ABHD6: variants seen among roughly 807,000 people sequenced by gnomAD.
ABHD6 encodes monoacylglycerol lipase ABHD6.
A neutral mutation model predicts 38.8 loss-of-function variants in ABHD6; 33 were observed. The observed-to-expected ratio is 0.85, with a 90% CI of 0.64 to 1.14. ABHD6 has a LOEUF of 1.14. Ranked by LOEUF, ABHD6 falls within the 50% of genes most tolerant of loss-of-function variation. The pLI is 0.00. For synonymous variants in ABHD6, 147 were observed against 161.6 expected (o/e 0.91, Z 0.69); for missense variants, 380 against 422.6 (o/e 0.90, Z 0.88).
chr3:58,284,752 A>T (rs531590259), intron 7 of ABHD6, among the ~76,000 whole-genome samples: 27 of 152,164 alleles, frequency 1.8e-4, no homozygotes, highest in African/African-American at 6.3e-4. Context: ...TGCCCGGCCC[A>T]TCCTGATTAT....
At chr3:58,242,820 CGTT>C (rs2097423739) in intron 1 of ABHD6, among the ~76,000 whole-genome samples, 1 of 152,172 alleles carries the variant, frequency 6.6e-6, no homozygotes, top group Admixed American at 6.5e-5. Flanking sequence ...TTGCTGCACC[CGTT>C]AACTCGTCAT....
chr3:58,247,494 T>C (rs138990139), intron 1 of ABHD6, among the ~76,000 whole-genome samples: 97 of 152,372 alleles, frequency 6.4e-4, no homozygotes, highest in African/African-American at 2.1e-3. Flanking sequence ...CAGCCACATG[T>C]GACTAGTGGC....
chr3:58,262,431 T>G (rs1165661959), intron 3 of ABHD6, among the ~76,000 whole-genome samples: 1 of 152,202 alleles, frequency 6.6e-6, no homozygotes, highest in Non-Finnish European at 1.5e-5. Context: ...GAGACTTTAT[T>G]AAAGAGGAAC....
intron 2 of ABHD6, among the ~76,000 whole-genome samples, chr3:58,254,349 C>T (rs1342765523): frequency 6.6e-6 from 1 of 152,170 alleles, no homozygotes; most frequent in Non-Finnish European, 1.5e-5. Flanking sequence ...TTTATTGGAA[C>T]ACAGTCATAC....
In ABHD6 at chr3:58,288,303, T is replaced by C. The variant is rs368820278; in HGVS notation, c.837+2850T>C. Among the ~76,000 whole-genome samples, 3 of 152,342 alleles carry C rather than the reference T, an allele frequency of 2.0e-5. No individual in the cohort carries two copies. The South Asian group carries it at 6.2e-4, about 32-fold the overall frequency. On this transcript the variant is annotated intron_variant, in intron 9 of 9. Coordinates refer to ENST00000478253, the MANE Select transcript of ABHD6 (RefSeq NM_001320126.2). Reference sequence around the variant, plus strand: ...GACCCCTGTAGGCTGACTGCTATACTGCACAGCTGCAGGGGGAGCCATGTG... The same window carrying C: ...GACCCCTGTAGGCTGACTGCTATACCGCACAGCTGCAGGGGGAGCCATGTG...
chr3:58,260,641 G>T (rs188762374), intron 3 of ABHD6, among the ~76,000 whole-genome samples: 5 of 152,256 alleles, frequency 3.3e-5, no homozygotes, highest in African/African-American at 1.2e-4. Context: ...GCCTTCATTT[G>T]CTCGGCTGCC....
At chr3:58,244,507 G>T (rs961834991) in intron 1 of ABHD6, among the ~76,000 whole-genome samples, 2 of 152,168 alleles carry the variant, frequency 1.3e-5, no homozygotes, top group Non-Finnish European at 2.9e-5. Context: ...GGTGGCTCGT[G>T]CCTGCCCACC....
rs2097435332 is a variant in ABHD6 at position 58,259,206 on chromosome 3, G to A, written c.119+2501G>A. Among the ~76,000 whole-genome samples the A allele has an allele frequency of 6.6e-6, 1 of 152,188 alleles. No homozygotes were observed. The highest frequency in any genetic ancestry group is 1.5e-5 in the Non-Finnish European group (1 of 68,038). The stretch of plus-strand genomic sequence containing the variant: ...TTCCACCCACCTCATGTGGAAACTA[G>A]CCTCAATGCTGCATAGTCCCCCAAC... On this transcript the variant is annotated intron_variant, in intron 3 of 9. Transcript: ENST00000478253. The surrounding 1 kb of genome is among the most constrained non-coding windows in gnomAD (Gnocchi z 4.7).
chr3:58,242,828 C>T (rs1464449336), intron 1 of ABHD6, among the ~76,000 whole-genome samples: 1 of 152,156 alleles, frequency 6.6e-6, no homozygotes. Context: ...CCCGTTAACT[C>T]GTCATTTACG....
chr3:58,290,747 C>T (rs1475473047), intron 9 of ABHD6, among the ~76,000 whole-genome samples: 5 of 151,176 alleles, frequency 3.3e-5, no homozygotes, highest in East Asian at 2.0e-4. Context: ...GACGGGCCGG[C>T]GGGGCAAAGG....
At position 58,259,306 on chromosome 3, in the gene ABHD6, A is replaced by C. The variant is rs765646976; in HGVS notation, c.119+2601A>C. Reference sequence around the variant, plus strand: ...TAATTTTGATGTTTCATTTGTAATGAGAAAAATAAGTTGATAGCAAATAAT... The same window carrying C: ...TAATTTTGATGTTTCATTTGTAATGCGAAAAATAAGTTGATAGCAAATAAT... On this transcript the variant is annotated intron_variant, in intron 3 of 9. Transcript: ENST00000478253. This position sits in a 1 kb window ranked among gnomAD's most constrained non-coding sequence, Gnocchi z 4.7. 2.0e-5 allele frequency among the ~76,000 whole-genome samples: 3 copies of C among 152,242 alleles called. No homozygotes were observed. The highest frequency in any genetic ancestry group is 7.2e-5 in the African/African-American group (3 of 41,460).
chr3:58,247,682 C>T (rs2097427372), intron 1 of ABHD6, among the ~76,000 whole-genome samples: 1 of 152,140 alleles, frequency 6.6e-6, no homozygotes, highest in African/African-American at 2.4e-5. Flanking sequence ...TCAAGCAATC[C>T]TTGTGCCTCA....
intron 1 of ABHD6, among the ~76,000 whole-genome samples, chr3:58,246,719 T>A (rs1006112545): frequency 3.3e-5 from 5 of 152,150 alleles, no homozygotes; most frequent in Non-Finnish European, 7.4e-5. Context: ...AGATAAGAAT[T>A]TGTGGTTTAT....
intron 5 of ABHD6, 134 bp from the exon 6 acceptor site, chr3:58,270,798 G>C: frequency 1.0e-6 from 1 of 973,076 alleles, no homozygotes; most frequent in Non-Finnish European, 1.5e-6. Flanking sequence ...AATGGATCCA[G>C]TAGAGTTTCA....
chr3:58,262,543 T>C (rs2097437739), intron 3 of ABHD6, among the ~76,000 whole-genome samples: 1 of 152,246 alleles, frequency 6.6e-6, no homozygotes, highest in Non-Finnish European at 1.5e-5. Flanking sequence ...ACTGAGATTG[T>C]AAAAGATCTT....
chr3:58,281,310 C>T (rs1385006832), intron 7 of ABHD6, among the ~76,000 whole-genome samples: 1 of 152,212 alleles, frequency 6.6e-6, no homozygotes, highest in Non-Finnish European at 1.5e-5. Context: ...TGGCAGACGC[C>T]CCTCCCCCAG....
rs139196983 is a variant in ABHD6 at position 58,292,020 on chromosome 3, C to A, written c.838-1569C>A. Among the ~76,000 whole-genome samples the A allele has an allele frequency of 3.5e-3, 534 of 152,364 alleles. 2 individuals carry two copies. Among genetic ancestry groups the A allele is most frequent in the African/African-American group, 0.012 (494 of 41,578 alleles). ...TGCTGTTTTCACCTATTGACTGCAT[C>A]TGCGTTTCTTCTGAGTGTTTCCACA... On this transcript the variant is annotated intron_variant, in intron 9 of 9. Transcript: ENST00000478253.
intron 7 of ABHD6, among the ~76,000 whole-genome samples, chr3:58,279,395 G>A (rs986240536): frequency 2.0e-5 from 3 of 151,256 alleles, no homozygotes; most frequent in Non-Finnish European, 4.4e-5. Context: ...TTTAAAGTCT[G>A]TTTTATCAGA....
Position 58,273,214 on chromosome 3 carries a change from CA to C in ABHD6, c.524-1443del, listed in dbSNP as rs1171769748. Reference sequence around the variant, plus strand: ...TAGATTTGCAAAGCGTGGGTTTCTGCATCACGACCAATATTATTGATGCTAC... The same window carrying C: ...TAGATTTGCAAAGCGTGGGTTTCTGCTCACGACCAATATTATTGATGCTAC... On this transcript the variant is annotated intron_variant, in intron 6 of 9. Coordinates refer to ENST00000478253, the MANE Select transcript of ABHD6 (RefSeq NM_001320126.2). The surrounding 1 kb of genome is among the most constrained non-coding windows in gnomAD (Gnocchi z 4.8). Among the ~76,000 whole-genome samples the C allele has an allele frequency of 6.6e-6, 1 of 152,112 alleles. No individual in the cohort carries two copies. The highest frequency in any genetic ancestry group is 1.5e-5 in the Non-Finnish European group (1 of 68,034).
Sources: allele counts gnomAD v4.1 joint callset (sites outside exome capture counted in the v4.1 genomes callset), GRCh38; gene constraint gnomAD v4.1.1; non-coding constraint Gnocchi (gnomAD v3.1); transcripts MANE v1.5; gene names NCBI Gene and HGNC (gene_info 2026-07-23, HGNC 2026-07-21).